The following LRRC58 variants were observed in gnomAD, a reference collection of about 807,000 sequenced individuals.
The protein encoded by LRRC58 is leucine rich repeat containing 58.
Under a neutral mutation model 30.6 loss-of-function variants are expected in LRRC58, and 18 were observed. The observed-to-expected ratio is 0.59, with a 90% CI of 0.41 to 0.87. LRRC58 has a LOEUF of 0.87. Among genes scored for constraint, LRRC58 ranks in the 40% least tolerant of loss-of-function variants. The pLI is 0.00. For missense variants in LRRC58, 420 were observed against 468.4 expected, an observed-to-expected ratio of 0.90 and a Z score of 0.95; for synonymous variants, 221 against 206.0, an observed-to-expected ratio of 1.07 and a Z score of -0.62.
chr3:120,344,008 C>T (rs1183388211), intron 1 of LRRC58, among the ~76,000 whole-genome samples: 1 of 151,978 alleles, frequency 6.6e-6, no homozygotes, highest in Non-Finnish European at 1.5e-5. Flanking sequence ...CGCTGCACTC[C>T]AGCTTGGTGG....
At position 120,349,114 on chromosome 3, in the gene LRRC58, C is replaced by CCCGCGCCCCGCGCCGCT; in HGVS notation, c.113_129dup (p.Glu44SerfsTer38). On this transcript the variant is annotated frameshift_variant, in exon 1 of 4. Coordinates refer to ENST00000295628, the MANE Select transcript of LRRC58 (RefSeq NM_001099678.2). LOFTEE classifies it high-confidence loss of function. ...GGCAGCAGCAGCCGCAGCAGCGCCT[C>CCCGCGCCCCGCGCCGCT]CCGCGCCCCGCGCCGCTCCTCCCCC... The CCCGCGCCCCGCGCCGCT allele has an allele frequency of 6.6e-7, 1 of 1,509,440 alleles. No individual in the cohort carries two copies. The highest frequency in any genetic ancestry group is 8.8e-7 in the Non-Finnish European group (1 of 1,137,454). The allele number at this position is 1,509,440 out of a possible 1,614,324, so 93.5% of individuals were successfully genotyped here.
At chr3:120,348,012 G>A (rs1403831524) in intron 1 of LRRC58, among the ~76,000 whole-genome samples, 1 of 152,150 alleles carries the variant, frequency 6.6e-6, no homozygotes, top group Non-Finnish European at 1.5e-5. Context: ...CACAGAGAAA[G>A]TACAGCATAG....
In LRRC58 at chr3:120,326,811, A is replaced by G. The variant is rs931877352; in HGVS notation, c.*4389T>C. ...TTTTGTCTACCAAGGGTCTTATGAAAATTTAGGAATAATAACCATTAACTT... is the reference window on the plus strand; with the variant it reads ...TTTTGTCTACCAAGGGTCTTATGAAGATTTAGGAATAATAACCATTAACTT... On this transcript the variant is annotated 3_prime_UTR_variant, in exon 4 of 4. Transcript: ENST00000295628. 1.3e-5 allele frequency: 2 copies of G among 152,242 alleles called. No homozygotes were observed. The highest frequency in any genetic ancestry group is 2.9e-5 in the Non-Finnish European group (2 of 68,040). 9.4% of individuals were successfully genotyped at this position (152,242 alleles called of 1,614,324 possible). A position where few individuals can be genotyped will look rare whatever the true frequency, so the allele number is the denominator to read the frequency against.
At chr3:120,333,788 T>G (rs576645646) in intron 3 of LRRC58, among the ~76,000 whole-genome samples, 53 of 152,162 alleles carry the variant, frequency 3.5e-4, no homozygotes, top group Non-Finnish European at 7.4e-4. Flanking sequence ...TCACTCTCAT[T>G]ACTCCCCTAA....
intron 1 of LRRC58, among the ~76,000 whole-genome samples, chr3:120,339,995 G>A (rs1397307819): frequency 2.6e-5 from 4 of 152,118 alleles, no homozygotes; most frequent in African/African-American, 9.6e-5. Context: ...CGAGTAGTTG[G>A]GATTACAGGC....
chr3:120,328,826 G>A lies in LRRC58; in HGVS notation c.*2374C>T, dbSNP rs1472125654. ...AGAAAGATAAAACCGACGGCTAAAT[G>A]TAGACTTCATTAAAAATTACCAAAA... On this transcript the variant is annotated 3_prime_UTR_variant, in exon 4 of 4. Coordinates refer to ENST00000295628, the MANE Select transcript of LRRC58 (RefSeq NM_001099678.2). 1 of 152,192 alleles carries A rather than the reference G, an allele frequency of 6.6e-6. No individual in the cohort carries two copies. Among genetic ancestry groups the A allele is most frequent in the Non-Finnish European group, 1.5e-5 (1 of 68,016 alleles). The allele number at this position is 152,192 out of a possible 1,614,324, so 9.4% of individuals were successfully genotyped here. A position where few individuals can be genotyped will look rare whatever the true frequency, so the allele number is the denominator to read the frequency against.
rs1045901138 is a variant in LRRC58, at chr3:120,326,951, G to A, written c.*4249C>T. 6.6e-6 allele frequency: 1 copy of A among 152,138 alleles called. No individual in the cohort carries two copies. Among genetic ancestry groups the A allele is most frequent in the Non-Finnish European group, 1.5e-5 (1 of 68,010 alleles). The allele number at this position is 152,138 out of a possible 1,614,324, so 9.4% of individuals were successfully genotyped here. On this transcript the variant is annotated 3_prime_UTR_variant, in exon 4 of 4. Transcript: ENST00000295628. ...AGGTAAACATTAACCAAGGCTACCT[G>A]TTATATCACAAATTCCAGGTTAATG...
intron 1 of LRRC58, among the ~76,000 whole-genome samples, chr3:120,346,760 G>T (rs1039937374): frequency 6.6e-6 from 1 of 152,078 alleles, no homozygotes; most frequent in Non-Finnish European, 1.5e-5. Context: ...TATCAAGCTG[G>T]TATAGGCTAC....
At position 120,349,047 on chromosome 3, in the gene LRRC58, C is replaced by T; in HGVS notation, c.197G>A (p.Gly66Asp). The change falls in exon 1 of 4, where the codon GGC (glycine) becomes GAC (aspartate). Residue 66 changes from glycine (G) to aspartate (D), a missense_variant. Transcript: ENST00000295628. ...LVSLPRALGS[G>D]FPHLQLLDVS... The stretch of plus-strand genomic sequence containing the variant: ...GTCCAGCAGCTGGAGGTGCGGGAAG[C>T]CGCTGCCCAGCGCCCGTGGCAGCGA... 1 of 1,518,054 alleles carries T rather than the reference C, an allele frequency of 6.6e-7. No homozygotes were observed. Among genetic ancestry groups the T allele is most frequent in the Non-Finnish European group, 8.8e-7 (1 of 1,140,950 alleles). The allele number at this position is 1,518,054 out of a possible 1,614,324, so 94.0% of individuals were successfully genotyped here. A position where few individuals can be genotyped will look rare whatever the true frequency, so the allele number is the denominator to read the frequency against.
intron 1 of LRRC58, among the ~76,000 whole-genome samples, chr3:120,343,247 T>C (rs896428569): frequency 6.6e-6 from 1 of 152,374 alleles, no homozygotes; most frequent in African/African-American, 2.4e-5. Context: ...AGGCTTATTT[T>C]TTACTTTCTA....
chr3:120,334,709 AT>A (rs2107622609), intron 3 of LRRC58, among the ~76,000 whole-genome samples, 152 bp downstream of exon 3: 1 of 152,272 alleles, frequency 6.6e-6, no homozygotes, highest in South Asian at 2.1e-4. Flanking sequence ...ATGAAAAAGA[AT>A]TTTTTAAAAA....
chr3:120,344,140 G>A (rs1935938773), intron 1 of LRRC58, among the ~76,000 whole-genome samples: 1 of 152,228 alleles, frequency 6.6e-6, no homozygotes, highest in Admixed American at 6.5e-5. Flanking sequence ...GTTAAAAGGA[G>A]ATGGAATTAA....
intron 3 of LRRC58, among the ~76,000 whole-genome samples, chr3:120,332,604 T>C (rs537799214): frequency 6.6e-6 from 1 of 152,342 alleles, no homozygotes; most frequent in African/African-American, 2.4e-5. Flanking sequence ...CACTATCTTG[T>C]GATTTATAAG....
chr3:120,345,113 G>A (rs1245851678), intron 1 of LRRC58, among the ~76,000 whole-genome samples: 14 of 132,014 alleles, frequency 1.1e-4, no homozygotes, highest in African/African-American at 4.7e-4. Context: ...TTCAGAAAAC[G>A]TTAAAAAAAA....
chr3:120,344,078 C>A lies in LRRC58; in HGVS notation c.500+4666G>T, dbSNP rs201606715. On this transcript the variant is annotated intron_variant, in intron 1 of 3. Transcript: ENST00000295628. The stretch of plus-strand genomic sequence containing the variant: ...ACAAACAAACAAAAACAAAAAAAAA[C>A]CCCCAAACAACAACAACAACAAAAA... Among the ~76,000 whole-genome samples, 831 of 151,118 alleles carry A rather than the reference C, an allele frequency of 5.5e-3. 5 individuals carry two copies. Among genetic ancestry groups the A allele is most frequent in the African/African-American group, 7.5e-3 (307 of 41,150 alleles).
At position 120,349,234 on chromosome 3, in the gene LRRC58, C is replaced by T. The variant is rs913465384; in HGVS notation, c.10G>A (p.Ala4Thr). 1.2e-5 allele frequency: 17 copies of T among 1,387,818 alleles called. No individual in the cohort carries two copies. Among genetic ancestry groups the T allele is most frequent in the Admixed American group, 3.6e-5 (1 of 27,882 alleles). The allele number at this position is 1,387,818 out of a possible 1,614,324, so 86.0% of individuals were successfully genotyped here. The change falls in exon 1 of 4, where the codon GCC becomes ACC. Residue 4 changes from alanine (A) to threonine (T), a missense_variant. Around this residue, in one of 2 missense-constraint regions of LRRC58, gnomAD observed 266 missense variants for 251.7 expected, o/e 1.06. Transcript: ENST00000295628. The part of the protein sequence containing the change: MEE[A>T]GAAVVTAGEA... ...CCGGCCGTGACCACCGCTGCTCCGG[C>T]CTCCTCCATCCTGGCCACCGCACGG...
Position 120,327,781 on chromosome 3 carries a change from TCTCA to T in LRRC58, c.*3415_*3418del, listed in dbSNP as rs1435779872. Reference sequence around the variant, plus strand: ...TTGTTTGTTTGAGACACAGTCTCACTCTCACTCAGGCTGGAGTGCAGCGGAGTGA... The same window carrying T: ...TTGTTTGTTTGAGACACAGTCTCACTCTCAGGCTGGAGTGCAGCGGAGTGA... On this transcript the variant is annotated 3_prime_UTR_variant, in exon 4 of 4. Transcript: ENST00000295628. The T allele has an allele frequency of 6.6e-6, 1 of 152,194 alleles. No individual in the cohort carries two copies. Among genetic ancestry groups the T allele is most frequent in the Non-Finnish European group, 1.5e-5 (1 of 68,050 alleles). The allele number at this position is 152,194 out of a possible 1,614,324, so 9.4% of individuals were successfully genotyped here.
intron 1 of LRRC58, among the ~76,000 whole-genome samples, chr3:120,342,325 T>C (rs1034775629): frequency 3.9e-5 from 6 of 152,124 alleles, no homozygotes; most frequent in African/African-American, 1.4e-4. Context: ...CAGCATGCAC[T>C]TCCTCCCCTC....
intron 1 of LRRC58, among the ~76,000 whole-genome samples, chr3:120,337,420 T>G (rs888231451): frequency 6.6e-6 from 1 of 152,218 alleles, no homozygotes; most frequent in African/African-American, 2.4e-5. Flanking sequence ...TTGTATATCT[T>G]TAGAGAATTA....
Sources: allele counts gnomAD v4.1 joint callset (sites outside exome capture counted in the v4.1 genomes callset), GRCh38; gene constraint gnomAD v4.1.1; regional missense constraint gnomAD v4.1.1; transcripts MANE v1.5; gene names NCBI Gene and HGNC (gene_info 2026-07-23, HGNC 2026-07-21).